The following SETX variants were observed in gnomAD, a reference collection of about 807,000 sequenced individuals.
SETX encodes the protein helicase senataxin.
SETX carries 90 observed loss-of-function variants against 227.2 expected under a neutral mutation model. The observed-to-expected ratio is 0.40, with a 90% confidence interval of 0.33 to 0.47. The LOEUF is 0.47. SETX is among the 20% of genes least tolerant of loss of function. The probability of loss-of-function intolerance (pLI) is 0.91; values close to 1 mark genes in which losing one functional copy is unlikely to be tolerated. For synonymous variants in SETX, 1,210 were observed against 1,113.2 expected (o/e 1.09, Z -1.73); for missense variants, 3,052 against 3,181.5 (o/e 0.96, Z 0.98).
intron 3 of SETX, among the ~76,000 whole-genome samples, chr9:132,348,088 G>A (rs1407558125): frequency 6.6e-6 from 1 of 150,820 alleles, no homozygotes; most frequent in Non-Finnish European, 1.5e-5. Flanking sequence ...GCCAGGCGCA[G>A]TGGCTCACAG....
At chr9:132,325,359 A>C (rs918517001) in intron 10 of SETX, among the ~76,000 whole-genome samples, 1 of 136,178 alleles carries the variant, frequency 7.3e-6, no homozygotes, top group Admixed American at 7.2e-5. Flanking sequence ...CGTCTCAAAA[A>C]AAAGAAAAAA....
intron 4 of SETX, among the ~76,000 whole-genome samples, chr9:132,344,500 A>C (rs1210314336): frequency 1.1e-4 from 16 of 152,234 alleles, no homozygotes; most frequent in Admixed American, 1.0e-3. Context: ...GTGGTCCCTG[A>C]CTAGATTCTA....
chr9:132,316,905 CTTT>C (rs1473947910), intron 10 of SETX, among the ~76,000 whole-genome samples: 3 of 152,182 alleles, frequency 2.0e-5, no homozygotes, highest in African/African-American at 7.2e-5. Flanking sequence ...TTCAAAGTGA[CTTT>C]ATTATAATAG....
At chr9:132,341,245 A>AT (rs1554824193) in intron 5 of SETX, among the ~76,000 whole-genome samples, 2 of 152,030 alleles carry the variant, frequency 1.3e-5, no homozygotes, top group South Asian at 4.2e-4. Context: ...AATAAAAAAA[A>AT]TTTTTTTTAA....
In SETX at chr9:132,264,440, G is replaced by C; in HGVS notation, c.7833C>G (p.Ala2611=). The part of the protein sequence containing the change: ...KPPVRGEPPA[A]SPEASTCQSK... Reference sequence around the variant, plus strand: ...TCTGACACGTGGAAGCCTCGGGACTGGCAGCTGGAGGTTCGCCCCGCACGG... The same window carrying C: ...TCTGACACGTGGAAGCCTCGGGACTCGCAGCTGGAGGTTCGCCCCGCACGG... The change falls in exon 26 of 26, where the codon GCC becomes GCG. Residue 2611 remains alanine (A), a synonymous_variant. Coordinates refer to ENST00000224140, the MANE Select transcript of SETX (RefSeq NM_015046.7). The C allele has an allele frequency of 6.2e-7, 1 of 1,613,994 alleles. No homozygotes were observed. Among genetic ancestry groups the C allele is most frequent in the African/African-American group, 1.3e-5 (1 of 75,010 alleles).
intron 15 of SETX, among the ~76,000 whole-genome samples, chr9:132,291,262 G>T (rs1589656897): frequency 1.3e-5 from 2 of 148,736 alleles, no homozygotes; most frequent in African/African-American, 2.5e-5. Flanking sequence ...CGCCTCCCGG[G>T]TTCACGCCAT....
intron 10 of SETX, among the ~76,000 whole-genome samples, chr9:132,317,473 A>T (rs896312668): frequency 6.6e-6 from 1 of 152,196 alleles, no homozygotes; most frequent in African/African-American, 2.4e-5. Context: ...TTATATACAT[A>T]CATGTTCACA....
intron 2 of SETX, 76 bp from the exon 3 acceptor site, chr9:132,349,511 A>T: frequency 6.9e-7 from 1 of 1,440,090 alleles, no homozygotes; most frequent in South Asian, 1.2e-5. Flanking sequence ...GTACACTTTC[A>T]ACTTGTGACC....
At chr9:132,345,992 C>T (rs1848263238) in intron 4 of SETX, among the ~76,000 whole-genome samples, 1 of 152,052 alleles carries the variant, frequency 6.6e-6, no homozygotes, top group Non-Finnish European at 1.5e-5. Context: ...GCACTTCGGC[C>T]TAGGAGACAC....
intron 5 of SETX, among the ~76,000 whole-genome samples, chr9:132,339,219 C>T (rs1222128203): frequency 6.6e-6 from 1 of 152,114 alleles, no homozygotes; most frequent in African/African-American, 2.4e-5. Context: ...CATGGTGGCT[C>T]ATGCATGTAA....
intron 2 of SETX, among the ~76,000 whole-genome samples, 163 bp from the exon 3 acceptor site, chr9:132,349,598 T>TA (rs1411073765): frequency 1.3e-5 from 2 of 152,048 alleles, no homozygotes; most frequent in African/African-American, 2.4e-5. Context: ...TTCACTAAAC[T>TA]AAAAAAATCC....
intron 15 of SETX, among the ~76,000 whole-genome samples, chr9:132,293,858 T>TA (rs1402171260): frequency 4.0e-5 from 6 of 151,852 alleles, no homozygotes; most frequent in Non-Finnish European, 7.4e-5. Context: ...CCGTCTCTAC[T>TA]AAAAAAATAC....
rs1263059861 is a variant in SETX, at chr9:132,262,677, T to C, written c.*1562A>G. On this transcript the variant is annotated 3_prime_UTR_variant, in exon 26 of 26. Coordinates refer to ENST00000224140, the MANE Select transcript of SETX (RefSeq NM_015046.7). ...ACACCAGTGAGGGAGACACAGGTAA[T>C]GAAATCAAATGCTCAAACTTTTGGC... The C allele has an allele frequency of 2.0e-5, 3 of 152,604 alleles. No individual in the cohort carries two copies. Among genetic ancestry groups the C allele is most frequent in the Non-Finnish European group, 4.4e-5 (3 of 68,036 alleles). 9.5% of individuals were successfully genotyped at this position (152,604 alleles called of 1,614,324 possible).
At chr9:132,348,919 G>C (rs1029043224) in intron 3 of SETX, among the ~76,000 whole-genome samples, 1 of 152,088 alleles carries the variant, frequency 6.6e-6, no homozygotes, top group African/African-American at 2.4e-5. Flanking sequence ...ACAGAGCAAA[G>C]ACCTTGTCTC....
intron 10 of SETX, among the ~76,000 whole-genome samples, chr9:132,315,327 CA>C (rs1246727901): frequency 6.6e-6 from 1 of 152,194 alleles, no homozygotes; most frequent in Non-Finnish European, 1.5e-5. Context: ...CAGCCAAACA[CA>C]AACCCCAAAA....
rs183908975 is a variant in SETX at position 132,283,463 on chromosome 9, C to G, written c.6397-50G>C. ...TATTCAGCTGTACATCAATCCTTGA[C>G]TATGACAGGCCTATGTTTACTATAA... On this transcript the variant is annotated intron_variant, in intron 18 of 25. Transcript: ENST00000224140. 31 of 1,598,150 alleles carry G rather than the reference C, an allele frequency of 1.9e-5. No individual in the cohort carries two copies. The Admixed American group carries it at 4.8e-4, about 25-fold the overall frequency.
At chr9:132,294,154 A>G (rs889521265) in intron 15 of SETX, among the ~76,000 whole-genome samples, 3 of 152,228 alleles carry the variant, frequency 2.0e-5, no homozygotes, top group Admixed American at 6.5e-5. Flanking sequence ...GGAAAGTTAA[A>G]TTAAAACTAC....
At chr9:132,297,082 G>A in intron 13 of SETX, 28 bp from the exon 14 acceptor site, 1 of 1,575,342 alleles carries the variant, frequency 6.3e-7, no homozygotes, top group Non-Finnish European at 8.7e-7. Flanking sequence ...TTTTGAGAAT[G>A]AGTTGCTGTT....
chr9:132,356,129 A>C (rs1848901780), upstream of SETX, among the ~76,000 whole-genome samples: 1 of 151,928 alleles, frequency 6.6e-6, no homozygotes, highest in South Asian at 2.1e-4. Context: ...CAGGCTGGGG[A>C]ACAAAGCAAG....
Sources: allele counts gnomAD v4.1 joint callset (sites outside exome capture counted in the v4.1 genomes callset), GRCh38; gene constraint gnomAD v4.1.1; transcripts MANE v1.5; gene names NCBI Gene and HGNC (gene_info 2026-07-23, HGNC 2026-07-21).